Variants in MCC observed in about 807,000 individuals in gnomAD.
The protein encoded by MCC is colorectal mutant cancer protein.
MCC carries 90 observed loss-of-function variants against 116.2 expected under a neutral mutation model. The ratio of observed to expected loss-of-function variants is 0.77; its 90% CI spans 0.65 to 0.92. The LOEUF is 0.92. MCC is among the 40% of genes least tolerant of loss of function. The pLI is 0.00. For synonymous variants in MCC, 578 were observed against 510.5 expected, an observed-to-expected ratio of 1.13 and a Z score of -1.78; for missense variants, 1,516 against 1,312.2, an observed-to-expected ratio of 1.16 and a Z score of -2.40.
chr5:113,089,340 G>C (rs1435546898), intron 8 of MCC, among the ~76,000 whole-genome samples: 1 of 152,238 alleles, frequency 6.6e-6, no homozygotes, highest in African/African-American at 2.4e-5. Flanking sequence ...GGAGACTCTG[G>C]AAGGTTCAAG....
At chr5:113,405,058 A>C (rs1003150636) in intron 1 of MCC, among the ~76,000 whole-genome samples, 2 of 152,222 alleles carry the variant, frequency 1.3e-5, no homozygotes, top group African/African-American at 4.8e-5. Flanking sequence ...ATGTATGTTT[A>C]AGGCATTTTT....
intron 17 of MCC, among the ~76,000 whole-genome samples, chr5:113,030,054 G>T (rs530903184): frequency 2.0e-5 from 3 of 152,292 alleles, no homozygotes; most frequent in African/African-American, 7.2e-5. Context: ...GATTCTTTGG[G>T]CATATTAAGA....
At chr5:113,208,272 A>G (rs920337564) in intron 3 of MCC, among the ~76,000 whole-genome samples, 1 of 152,172 alleles carries the variant, frequency 6.6e-6, no homozygotes, top group Admixed American at 6.5e-5. Flanking sequence ...CTGGATAATT[A>G]GTTCAAATCA....
At chr5:113,205,917 C>T (rs1364145448) in intron 3 of MCC, among the ~76,000 whole-genome samples, 1 of 152,208 alleles carries the variant, frequency 6.6e-6, no homozygotes, top group Non-Finnish European at 1.5e-5. Flanking sequence ...TAGAAGGCTC[C>T]TGAAGCCATG....
At chr5:113,310,855 A>G (rs956024070) in intron 3 of MCC, among the ~76,000 whole-genome samples, 1 of 152,262 alleles carries the variant, frequency 6.6e-6, no homozygotes, top group African/African-American at 2.4e-5. Flanking sequence ...TTCTTGAGAC[A>G]ACTGCATTAA....
At chr5:113,238,090 C>G (rs770970902) in intron 3 of MCC, among the ~76,000 whole-genome samples, 3 of 152,302 alleles carry the variant, frequency 2.0e-5, no homozygotes, top group East Asian at 1.9e-4. Context: ...GCAGCTATAT[C>G]TGGCTTCCCT....
At chr5:113,384,513 G>A (rs1032157148) in intron 2 of MCC, among the ~76,000 whole-genome samples, 40 of 152,246 alleles carry the variant, frequency 2.6e-4, no homozygotes, top group Non-Finnish European at 4.6e-4. Context: ...GCGGGAACCC[G>A]GGAGGCAGAG....
At chr5:113,069,387 G>A (rs765239264) in intron 12 of MCC, among the ~76,000 whole-genome samples, 1 of 152,242 alleles carries the variant, frequency 6.6e-6, no homozygotes, top group African/African-American at 2.4e-5. Context: ...CCTGTAGCGT[G>A]AGACCCACGT....
intron 15 of MCC, among the ~76,000 whole-genome samples, chr5:113,050,553 A>G (rs891299242): frequency 1.3e-5 from 2 of 152,238 alleles, no homozygotes; most frequent in Admixed American, 6.5e-5. Context: ...TACTCAGAAC[A>G]TGCCAACCTT....
chr5:113,307,027 T>C (rs964081920), intron 3 of MCC, among the ~76,000 whole-genome samples: 2 of 152,226 alleles, frequency 1.3e-5, no homozygotes, highest in South Asian at 4.1e-4. Flanking sequence ...TCCATCCTTA[T>C]GCTAATACTA....
chr5:113,067,215 T>C (rs1228934462), intron 13 of MCC, among the ~76,000 whole-genome samples: 3 of 151,968 alleles, frequency 2.0e-5, no homozygotes, highest in Admixed American at 6.6e-5. Context: ...GGGCACAGGA[T>C]CCCCGGGCTG....
At chr5:113,294,202 T>C (rs982134905) in intron 3 of MCC, 1 of 1,154,580 alleles carries the variant, frequency 8.7e-7, no homozygotes, top group Non-Finnish European at 1.2e-6. Context: ...AATCTTCAAT[T>C]GCGCTGCCTC....
At chr5:113,328,703 C>T (rs1767626400) in intron 3 of MCC, among the ~76,000 whole-genome samples, 1 of 152,106 alleles carries the variant, frequency 6.6e-6, no homozygotes, top group African/African-American at 2.4e-5. Context: ...ATAAATTCAC[C>T]AGGGGTTTTA....
At chr5:113,048,982 T>A (rs770997906) in intron 16 of MCC, 111 bp downstream of exon 16, 5 of 994,208 alleles carry the variant, frequency 5.0e-6, no homozygotes, top group Admixed American at 2.0e-5. Context: ...GCATTTCCTA[T>A]GCAAATACAA....
intron 5 of MCC, among the ~76,000 whole-genome samples, chr5:113,140,669 T>C (rs751210227): frequency 4.6e-5 from 7 of 152,206 alleles, no homozygotes; most frequent in Non-Finnish European, 1.0e-4. Context: ...TGTGGATATA[T>C]CATAGCTTAT....
chr5:113,487,976 G>C (rs1396869534), intron 1 of MCC, among the ~76,000 whole-genome samples: 2 of 152,178 alleles, frequency 1.3e-5, no homozygotes, highest in African/African-American at 2.4e-5. Context: ...CCCCGGAAGA[G>C]TGCGCATCCT....
intron 2 of MCC, among the ~76,000 whole-genome samples, chr5:113,344,905 AG>A (rs1470232324): frequency 1.3e-5 from 2 of 152,082 alleles, no homozygotes; most frequent in Admixed American, 1.3e-4. Context: ...ATTTGAGAAA[AG>A]CAGAGAGGAA....
chr5:113,242,001 C>CCTCCTGGTCGTT (rs1764386765), intron 3 of MCC, among the ~76,000 whole-genome samples: 1 of 152,166 alleles, frequency 6.6e-6, no homozygotes, highest in Non-Finnish European at 1.5e-5. Context: ...TAGAGAACGA[C>CCTCCTGGTCGTT]CAAATCAAAC....
rs144709487 is a variant in MCC at position 113,085,491 on chromosome 5, A to C, written c.1399-181T>G. Among the ~76,000 whole-genome samples the C allele has an allele frequency of 3.6e-4, 55 of 152,152 alleles. No individual in the cohort carries two copies. In the East Asian group the frequency reaches 0.01, roughly 28 times the overall value. On this transcript the variant is annotated intron_variant, in intron 8 of 18. Transcript: ENST00000408903. ...TTTTTCGGACTAATAATTTTTTTTT[A>C]ATGAATCGGTTTCTTAAATCACATG... is the stretch of plus-strand genomic sequence containing the variant.
Sources: gnomAD v4.1 joint callset for allele counts (sites outside exome capture counted in the v4.1 genomes callset) on GRCh38, gnomAD v4.1.1 for gene constraint, MANE v1.5 for transcripts, NCBI Gene and HGNC (gene_info 2026-07-23, HGNC 2026-07-21) for gene names.